Variants in KCNC2 observed in about 807,000 individuals in gnomAD.
KCNC2 encodes the protein voltage-gated potassium channel KCNC2.
KCNC2 carries 21 observed loss-of-function variants against 44.5 expected under a neutral mutation model. The ratio of observed to expected loss-of-function variants is 0.47; its 90% CI spans 0.33 to 0.68. KCNC2 has a LOEUF of 0.68. Ranked by LOEUF, KCNC2 falls within the 30% of genes least tolerant of loss-of-function variation. KCNC2 has a pLI of 0.01. For missense variants in KCNC2, 589 were observed against 826.2 expected (o/e 0.71, Z 3.52); for synonymous variants, 391 against 339.1 (o/e 1.15, Z -1.68).
intron 2 of KCNC2, among the ~76,000 whole-genome samples, chr12:75,108,676 T>G (rs1275960270): frequency 6.6e-6 from 1 of 152,206 alleles, no homozygotes; most frequent in Non-Finnish European, 1.5e-5. Flanking sequence ...CCCTCAGAGC[T>G]TCTCTTAAAT....
intron 3 of KCNC2, among the ~76,000 whole-genome samples, chr12:75,048,704 T>C (rs1470075237): frequency 6.6e-6 from 1 of 152,104 alleles, no homozygotes; most frequent in African/African-American, 2.4e-5. Flanking sequence ...TTTAAGAAAA[T>C]ATCTTAAGTA....
At chr12:75,116,343 T>G (rs767864495) in intron 2 of KCNC2, among the ~76,000 whole-genome samples, 2 of 152,114 alleles carry the variant, frequency 1.3e-5, no homozygotes, top group Non-Finnish European at 2.9e-5. Context: ...GTACTCTTAG[T>G]GATATTGTTG....
At chr12:75,109,722 G>T (rs766667099) in intron 2 of KCNC2, among the ~76,000 whole-genome samples, 1 of 151,896 alleles carries the variant, frequency 6.6e-6, no homozygotes, top group African/African-American at 2.4e-5. Flanking sequence ...CCCTGAACTG[G>T]TGTCTACAAA....
At position 75,138,979 on chromosome 12, in the gene KCNC2, T is replaced by TAAAAAAAAAAAAA. The variant is rs373729570; in HGVS notation, c.687+68305_687+68317dup. On this transcript the variant is annotated intron_variant, in intron 2 of 4. Coordinates refer to ENST00000549446, the MANE Select transcript of KCNC2 (RefSeq NM_139137.4). The stretch of plus-strand genomic sequence containing the variant: ...CTGGGCCACAGAGCGAGACTCCGTG[T>TAAAAAAAAAAAAA]AAAAAAAAAAAAAAAAAAAAAAAAA... Among the ~76,000 whole-genome samples, 120 of 77,904 alleles carry TAAAAAAAAAAAAA rather than the reference T, an allele frequency of 1.5e-3. 2 individuals are homozygous for TAAAAAAAAAAAAA. Among genetic ancestry groups the TAAAAAAAAAAAAA allele is most frequent in the African/African-American group, 5.7e-3 (106 of 18,536 alleles). The allele number at this position is 77,904 out of a possible 152,430, so 51.1% of individuals were successfully genotyped here. A position where few individuals can be genotyped will look rare whatever the true frequency, so the allele number is the denominator to read the frequency against.
chr12:75,120,460 A>G (rs1887973897), intron 2 of KCNC2, among the ~76,000 whole-genome samples: 1 of 152,196 alleles, frequency 6.6e-6, no homozygotes, highest in Admixed American at 6.5e-5. Context: ...TTGTAATGCC[A>G]TTTCTTAAGC....
At position 75,177,149 on chromosome 12, in the gene KCNC2, A is replaced by G. The variant is rs1012943052; in HGVS notation, c.687+30148T>C. On this transcript the variant is annotated intron_variant, in intron 2 of 4. Coordinates refer to ENST00000549446, the MANE Select transcript of KCNC2 (RefSeq NM_139137.4). Reference sequence around the variant, plus strand: ...GGAGTGTTAGTTTGCTAAGGCTGCAATAACAAAATACTAGATAATTAGTGA... The same window carrying G: ...GGAGTGTTAGTTTGCTAAGGCTGCAGTAACAAAATACTAGATAATTAGTGA... Among the ~76,000 whole-genome samples, 3 of 151,442 alleles carry G rather than the reference A, an allele frequency of 2.0e-5. No individual in the cohort carries two copies. The Admixed American group carries it at 2.0e-4, about 10-fold the overall frequency.
chr12:75,119,846 A>G (rs1460739670), intron 2 of KCNC2, among the ~76,000 whole-genome samples: 2 of 152,252 alleles, frequency 1.3e-5, no homozygotes, highest in Middle Eastern at 3.2e-3. Context: ...ATTTTGGTCA[A>G]CAACAGTAAC....
rs181314502 is a variant in KCNC2, at chr12:75,086,699, T to C, written c.688-35382A>G. Among the ~76,000 whole-genome samples the C allele has an allele frequency of 1.2e-3, 169 of 138,874 alleles. 1 individual carries two copies. Among genetic ancestry groups the C allele is most frequent in the African/African-American group, 4.2e-3 (153 of 36,066 alleles). 91.1% of individuals were successfully genotyped at this position (138,874 alleles called of 152,430 possible). A position where few individuals can be genotyped will look rare whatever the true frequency, so the allele number is the denominator to read the frequency against. On this transcript the variant is annotated intron_variant, in intron 2 of 4. Transcript: ENST00000549446. ...AAAAAAAAATATATATATATATATA[T>C]ACACACACATATTTATCTTAAGTCA...
chr12:75,143,504 A>C (rs1889800993), intron 2 of KCNC2, among the ~76,000 whole-genome samples: 1 of 152,130 alleles, frequency 6.6e-6, no homozygotes, highest in African/African-American at 2.4e-5. Context: ...ACTGAACTGG[A>C]TGTGGTTCCA....
At chr12:75,093,150 T>C (rs1046499659) in intron 2 of KCNC2, among the ~76,000 whole-genome samples, 1 of 151,488 alleles carries the variant, frequency 6.6e-6, no homozygotes, top group African/African-American at 2.4e-5. Flanking sequence ...ATTCATAGAA[T>C]CAAAATATTC....
At chr12:75,120,419 T>C (rs1887970979) in intron 2 of KCNC2, among the ~76,000 whole-genome samples, 1 of 152,196 alleles carries the variant, frequency 6.6e-6, no homozygotes, top group Admixed American at 6.5e-5. Context: ...TGGCAAGATT[T>C]ACAGCTGGTA....
Position 75,050,482 on chromosome 12 carries a change from A to G in KCNC2, c.1523T>C (p.Phe508Ser), listed in dbSNP as rs765521278. 4 of 1,613,628 alleles carry G rather than the reference A, an allele frequency of 2.5e-6. No individual in the cohort carries two copies. The East Asian group carries it at 8.9e-5, about 36-fold the overall frequency. Residue 508 changes from phenylalanine (F) to serine (S), a missense_variant, in exon 3 of 5, where the codon TTT becomes TCT. This residue lies in a region of KCNC2 where 171 missense variants were observed against 182.4 expected (regional missense o/e 0.94). Coordinates refer to ENST00000549446, the MANE Select transcript of KCNC2 (RefSeq NM_139137.4). ...PPAPQASSPTFCKTELNMACN... is the reference protein window; with the variant it reads ...PPAPQASSPTSCKTELNMACN... Reference sequence around the variant, plus strand: ...GGCCATATTTAATTCTGTCTTGCAAAAAGTAGGTGAGCTTGCCTGAGGAGC... The same window carrying G: ...GGCCATATTTAATTCTGTCTTGCAAGAAGTAGGTGAGCTTGCCTGAGGAGC...
At chr12:75,165,596 A>G (rs924494258) in intron 2 of KCNC2, among the ~76,000 whole-genome samples, 1 of 151,506 alleles carries the variant, frequency 6.6e-6, no homozygotes, top group Non-Finnish European at 1.5e-5. Flanking sequence ...TTTTTCTAAT[A>G]TATTCTACCT....
intron 2 of KCNC2, among the ~76,000 whole-genome samples, chr12:75,191,318 T>A (rs914485678): frequency 6.6e-6 from 1 of 151,682 alleles, no homozygotes. Context: ...ACTAAATTTT[T>A]AATAGTCTTT....
intron 2 of KCNC2, among the ~76,000 whole-genome samples, chr12:75,185,170 T>C (rs1174819253): frequency 6.6e-6 from 1 of 152,252 alleles, no homozygotes; most frequent in Non-Finnish European, 1.5e-5. Context: ...AATAGTAACA[T>C]ACTATATTTA....
At chr12:75,179,515 A>G (rs1291490198) in intron 2 of KCNC2, among the ~76,000 whole-genome samples, 1 of 151,658 alleles carries the variant, frequency 6.6e-6, no homozygotes, top group Non-Finnish European at 1.5e-5. Context: ...TTTATTTCCG[A>G]AACCTACTGA....
At position 75,069,867 on chromosome 12, in the gene KCNC2, G is replaced by T. The variant is rs79019434; in HGVS notation, c.688-18550C>A. 9.2e-4 allele frequency among the ~76,000 whole-genome samples: 140 copies of T among 152,242 alleles called. 2 individuals carry two copies. The East Asian group carries it at 0.025, about 28-fold the overall frequency. On this transcript the variant is annotated intron_variant, in intron 2 of 4. Transcript: ENST00000549446. ...TAGGGAGACCCAGGGAAGTAAGTTT[G>T]AGTCTCAGAGGGTCAACTTACTATG... is the stretch of plus-strand genomic sequence containing the variant.
intron 2 of KCNC2, among the ~76,000 whole-genome samples, chr12:75,149,774 A>T (rs75451782): frequency 0.13 from 19,374 of 151,824 alleles, 1,387 homozygotes; most frequent in Middle Eastern, 0.25. Context: ...TAAAAGGAAG[A>T]TAATAAAAAT....
chr12:75,057,498 AC>A (rs1433643209), intron 2 of KCNC2, among the ~76,000 whole-genome samples: 1 of 152,004 alleles, frequency 6.6e-6, no homozygotes, highest in African/African-American at 2.4e-5. Flanking sequence ...CCACTTAAAA[AC>A]AGATCCACAA....
Sources: allele counts gnomAD v4.1 joint callset (sites outside exome capture counted in the v4.1 genomes callset), GRCh38; gene constraint gnomAD v4.1.1; regional missense constraint gnomAD v4.1.1; transcripts MANE v1.5; gene names NCBI Gene and HGNC (gene_info 2026-07-23, HGNC 2026-07-21).